STX19: variants seen among roughly 807,000 people sequenced by gnomAD.
STX19 encodes the protein syntaxin-19.
Under a neutral mutation model 24.3 loss-of-function variants are expected in STX19, and 26 were observed. That is an observed-to-expected ratio of 1.07 (90% confidence interval 0.78 to 1.48). The LOEUF (loss-of-function observed/expected upper bound fraction) is 1.48, where lower values mean the gene tolerates loss of function less well. Ranked by LOEUF, STX19 falls within the 40% of genes most tolerant of loss-of-function variation. The pLI is 0.00. For missense variants in STX19, 367 were observed against 331.9 expected, an observed-to-expected ratio of 1.11 and a Z score of -0.82; for synonymous variants, 116 against 106.9, an observed-to-expected ratio of 1.09 and a Z score of -0.52.
chr3:94,018,158 AG>A (rs1465636742), intron 1 of STX19, among the ~76,000 whole-genome samples: 1 of 151,928 alleles, frequency 6.6e-6, no homozygotes, highest in Non-Finnish European at 1.5e-5. Context: ...TTGTCCTCCC[AG>A]AGTGCTAAGA....
At chr3:94,018,821 A>T (rs2076387844) in intron 1 of STX19, among the ~76,000 whole-genome samples, 1 of 152,126 alleles carries the variant, frequency 6.6e-6, no homozygotes, top group African/African-American at 2.4e-5. Context: ...GCCGGAGTGC[A>T]GTGGTGTGGT....
chr3:94,020,164 T>A (rs1423111933), intron 1 of STX19, among the ~76,000 whole-genome samples: 1 of 152,198 alleles, frequency 6.6e-6, no homozygotes, highest in African/African-American at 2.4e-5. Flanking sequence ...GAGGAGAAAG[T>A]AGAGGGTCTT....
chr3:94,014,845 C>T lies in STX19; in HGVS notation c.425G>A (p.Arg142His), dbSNP rs764313254. 22 of 1,613,884 alleles carry T rather than the reference C, an allele frequency of 1.4e-5. No individual in the cohort carries two copies. Among genetic ancestry groups the T allele is most frequent in the East Asian group, 1.3e-4 (6 of 44,870 alleles). ...TATAAACATGATTTGCTGAAAATGG[C>T]GGAACATTGCAGCATGCTGAGATTT... ...ILKSQHAAMF[R>H]HFQQIMFIYN... Residue 142 changes from arginine (R) to histidine (H), a missense_variant, in exon 2 of 2, where the codon CGC (arginine) becomes CAC (histidine). Arg to His is a conservative substitution (Grantham distance 29). Coordinates refer to ENST00000315099, the MANE Select transcript of STX19 (RefSeq NM_001001850.3).
intron 1 of STX19, among the ~76,000 whole-genome samples, chr3:94,027,250 A>G (rs2076576405): frequency 6.6e-6 from 1 of 152,058 alleles, no homozygotes; most frequent in South Asian, 2.1e-4. Flanking sequence ...TAATATATTA[A>G]CCTCTTTGGC....
Position 94,014,513 on chromosome 3 carries a change from T to C in STX19, c.757A>G (p.Thr253Ala), listed in dbSNP as rs111366609. ...ACATACTCTTTTGTACTATTCACTGTCATTTCAATATTGTTGATGCTCTCT... is the reference window on the plus strand; with the variant it reads ...ACATACTCTTTTGTACTATTCACTGCCATTTCAATATTGTTGATGCTCTCT... ...QGESINNIEM[T>A]VNSTKEYVNN... is the part of the protein sequence containing the mutation. The change falls in exon 2 of 2, where the codon ACA becomes GCA. Residue 253 changes from threonine to alanine, a missense_variant. Transcript: ENST00000315099. The C allele has an allele frequency of 1.1e-4, 173 of 1,612,416 alleles. 1 individual carries two copies. The African/African-American group carries it at 1.6e-3, about 15-fold the overall frequency.
intron 1 of STX19, among the ~76,000 whole-genome samples, chr3:94,017,457 C>G (rs1423255606): frequency 6.6e-6 from 1 of 152,182 alleles, no homozygotes; most frequent in Non-Finnish European, 1.5e-5. Context: ...TGACTCCAGG[C>G]AGGCATGTTA....
chr3:94,015,124 C>G lies in STX19; in HGVS notation c.146G>C (p.Arg49Thr). 6.2e-7 allele frequency: 1 copy of G among 1,613,990 alleles called. No homozygotes were observed. The highest frequency in any genetic ancestry group is 1.1e-5 in the South Asian group (1 of 91,070). The part of the protein sequence containing the change: ...VIYEREPVAE[R>T]HLHEIQKLQE... ...TAGTTTTTGGATTTCATGTAGGTGT[C>G]TCTCAGCTACAGGCTCTCTTTCATA... is the stretch of plus-strand genomic sequence containing the variant. The change falls in exon 2 of 2, where the codon AGA becomes ACA. Residue 49 changes from arginine (R) to threonine (T), a missense_variant. Transcript: ENST00000315099.
chr3:94,022,887 A>G (rs1046560225), intron 1 of STX19, among the ~76,000 whole-genome samples: 3 of 152,050 alleles, frequency 2.0e-5, no homozygotes, highest in African/African-American at 4.8e-5. Context: ...AATTTTGTAC[A>G]TACATCACTA....
chr3:94,017,369 T>C (rs2076355227), intron 1 of STX19, among the ~76,000 whole-genome samples: 1 of 152,192 alleles, frequency 6.6e-6, no homozygotes. Context: ...CAAATATTGC[T>C]TTCCCAAGAT....
chr3:94,023,530 A>G (rs2076492783), intron 1 of STX19, among the ~76,000 whole-genome samples: 1 of 151,618 alleles, frequency 6.6e-6, no homozygotes, highest in Non-Finnish European at 1.5e-5. Flanking sequence ...TATTTTCTCC[A>G]TTTTCTTTGT....
At chr3:94,024,519 CA>C in intron 1 of STX19, among the ~76,000 whole-genome samples, 1 of 152,316 alleles carries the variant, frequency 6.6e-6, no homozygotes, top group Middle Eastern at 3.4e-3. Context: ...TGGTTTGGAA[CA>C]AATCCTGAAA....
At chr3:94,022,871 C>G (rs2076478084) in intron 1 of STX19, among the ~76,000 whole-genome samples, 1 of 151,844 alleles carries the variant, frequency 6.6e-6, no homozygotes. Flanking sequence ...AGTTTTTCAC[C>G]TGCTTAATTT....
At chr3:94,025,231 A>G (rs762116509) in intron 1 of STX19, among the ~76,000 whole-genome samples, 6 of 152,158 alleles carry the variant, frequency 3.9e-5, no homozygotes, top group Admixed American at 6.5e-5. Context: ...CTTTTTATTA[A>G]TCTTAATGAA....
intron 1 of STX19, among the ~76,000 whole-genome samples, chr3:94,018,485 C>T (rs976444337): frequency 1.3e-5 from 2 of 152,040 alleles, no homozygotes; most frequent in South Asian, 2.1e-4. Context: ...CTGGCTACTC[C>T]TTATCTCCCC....
chr3:94,016,940 C>T (rs1465644248), intron 1 of STX19, among the ~76,000 whole-genome samples: 1 of 152,176 alleles, frequency 6.6e-6, no homozygotes, highest in Non-Finnish European at 1.5e-5. Flanking sequence ...CCACCGCTCC[C>T]AGCCTAATTA....
rs147240845 is a variant in STX19 at position 94,015,069 on chromosome 3, A to G, written c.201T>C (p.Asn67=). 3 of 1,613,906 alleles carry G rather than the reference A, an allele frequency of 1.9e-6. No individual in the cohort carries two copies. Among genetic ancestry groups the G allele is most frequent in the Non-Finnish European group, 2.5e-6 (3 of 1,179,946 alleles). The change falls in exon 2 of 2, where the codon AAT becomes AAC. Residue 67 remains asparagine, a synonymous_variant. Transcript: ENST00000315099. ...LQESINNLAD[N]VQKFGQQQKS... ...TCTGTTGCTGCCCAAATTTTTGAAC[A>G]TTATCTGCCAAATTGTTAATACTTT...
At chr3:94,019,202 A>AT (rs769209412) in intron 1 of STX19, among the ~76,000 whole-genome samples, 2 of 149,908 alleles carry the variant, frequency 1.3e-5, no homozygotes, top group East Asian at 2.0e-4. Flanking sequence ...ATTTTTGTTA[A>AT]TTTTTTATTT....
chr3:94,025,607 T>C (rs1275821265), intron 1 of STX19, among the ~76,000 whole-genome samples: 2 of 152,170 alleles, frequency 1.3e-5, no homozygotes, highest in African/African-American at 2.4e-5. Flanking sequence ...CTAGCTTCAT[T>C]GGGGAGTTAT....
At chr3:94,027,931 T>C (rs1232523410) in intron 1 of STX19, among the ~76,000 whole-genome samples, 1 of 152,130 alleles carries the variant, frequency 6.6e-6, no homozygotes, top group African/African-American at 2.4e-5. Flanking sequence ...TAGCAAATTA[T>C]TTCAGATTTT....
Sources: gnomAD v4.1 joint callset for allele counts (sites outside exome capture counted in the v4.1 genomes callset) on GRCh38, gnomAD v4.1.1 for gene constraint, MANE v1.5 for transcripts, NCBI Gene and HGNC (gene_info 2026-07-23, HGNC 2026-07-21) for gene names.